MTHFD2L: variants seen among roughly 807,000 people sequenced by gnomAD.
MTHFD2L encodes the protein bifunctional methylenetetrahydrofolate dehydrogenase/cyclohydrolase 2, mitochondrial.
Under a neutral mutation model 34.9 loss-of-function variants are expected in MTHFD2L, and 29 were observed. The observed-to-expected ratio is 0.83, with a 90% CI of 0.62 to 1.13. The LOEUF is 1.13. Among genes scored for constraint, MTHFD2L ranks in the 50% most tolerant of loss-of-function variants. The pLI is 0.00. For synonymous variants in MTHFD2L, 167 were observed against 155.7 expected (o/e 1.07, Z -0.54); for missense variants, 481 against 446.5 (o/e 1.08, Z -0.70).
intron 6 of MTHFD2L, among the ~76,000 whole-genome samples, chr4:74,259,500 G>A (rs1744425060): frequency 6.6e-6 from 1 of 152,164 alleles, no homozygotes; most frequent in Non-Finnish European, 1.5e-5. Flanking sequence ...CACTGCACCT[G>A]CCCCTGAGGC....
upstream of MTHFD2L, among the ~76,000 whole-genome samples, chr4:74,123,694 T>G (rs2109780957): frequency 6.6e-6 from 1 of 152,196 alleles, no homozygotes; most frequent in African/African-American, 2.4e-5. Context: ...TTAGGTAAAA[T>G]TTAGGGGATT....
Position 74,302,868 on chromosome 4 carries a change from T to C in MTHFD2L, c.*1059T>C, listed in dbSNP as rs1490503627. 6.6e-6 allele frequency: 1 copy of C among 152,132 alleles called. No individual in the cohort carries two copies. The highest frequency in any genetic ancestry group is 1.5e-5 in the Non-Finnish European group (1 of 68,010). The allele number at this position is 152,132 out of a possible 1,614,324, so 9.4% of individuals were successfully genotyped here. ...AGTAGATGCAATGTTTCTAACACAA[T>C]TTAAATTAGGAAATATATATGAATG... is the stretch of plus-strand genomic sequence containing the variant. On this transcript the variant is annotated 3_prime_UTR_variant, in exon 8 of 8. Coordinates refer to ENST00000325278, the MANE Select transcript of MTHFD2L (RefSeq NM_001144978.3).
chr4:74,171,802 C>CA (rs947768811), intron 1 of MTHFD2L, among the ~76,000 whole-genome samples: 9 of 151,094 alleles, frequency 6.0e-5, no homozygotes, highest in African/African-American at 1.5e-4. Context: ...CTGTCCCCCA[C>CA]AAAAAAAATA....
intron 6 of MTHFD2L, among the ~76,000 whole-genome samples, chr4:74,254,256 G>A (rs1743696658): frequency 6.6e-6 from 1 of 152,072 alleles, no homozygotes; most frequent in Non-Finnish European, 1.5e-5. Flanking sequence ...ATCTGCAGAG[G>A]GAAATGGGCA....
chr4:74,281,628 C>A (rs1277022970), intron 7 of MTHFD2L, 78 bp downstream of exon 7: 22 of 1,390,130 alleles, frequency 1.6e-5, no homozygotes, highest in Non-Finnish European at 2.0e-5. Context: ...AGAGAAGTTT[C>A]ATTTATGGAG....
intron 3 of MTHFD2L, among the ~76,000 whole-genome samples, chr4:74,188,207 T>C (rs1304004991): frequency 6.6e-6 from 1 of 152,162 alleles, no homozygotes; most frequent in East Asian, 1.9e-4. Context: ...GCTTCATCTA[T>C]CATAAGAAAA....
chr4:74,258,995 A>G (rs969467996), intron 6 of MTHFD2L, among the ~76,000 whole-genome samples: 4 of 152,240 alleles, frequency 2.6e-5, no homozygotes. Flanking sequence ...AAATGCATAA[A>G]CATTTACTCA....
chr4:74,247,194 T>C (rs1360995973), intron 6 of MTHFD2L, among the ~76,000 whole-genome samples: 7 of 151,710 alleles, frequency 4.6e-5, no homozygotes, highest in East Asian at 1.9e-4. Context: ...GGGTCCTTCA[T>C]GTCCCTTGTA....
chr4:74,228,800 C>A (rs1311082664), intron 6 of MTHFD2L, among the ~76,000 whole-genome samples: 2 of 152,120 alleles, frequency 1.3e-5, no homozygotes, highest in Non-Finnish European at 2.9e-5. Context: ...ATAAAATAAA[C>A]AAGACAGGAG....
chr4:74,219,140 A>G (rs1578509734), intron 5 of MTHFD2L, among the ~76,000 whole-genome samples: 1 of 152,114 alleles, frequency 6.6e-6, no homozygotes, highest in East Asian at 1.9e-4. Flanking sequence ...TTTATATCAG[A>G]AACTCGAGCA....
intron 1 of MTHFD2L, among the ~76,000 whole-genome samples, chr4:74,148,389 TTATCTATCTATC>T (rs142284412): frequency 6.8e-5 from 8 of 118,022 alleles, no homozygotes; most frequent in African/African-American, 2.5e-4. Flanking sequence ...ATTTATTTAT[TTATCTATCTATC>T]TATTTAGACA....
In MTHFD2L at chr4:74,303,043, CTT is replaced by C. The variant is rs1465174594; in HGVS notation, c.*1235_*1236del. 1 of 152,106 alleles carries C rather than the reference CTT, an allele frequency of 6.6e-6. No individual in the cohort carries two copies. Among genetic ancestry groups the C allele is most frequent in the African/African-American group, 2.4e-5 (1 of 41,440 alleles). The allele number at this position is 152,106 out of a possible 1,614,324, so 9.4% of individuals were successfully genotyped here. On this transcript the variant is annotated 3_prime_UTR_variant, in exon 8 of 8. Transcript: ENST00000325278. ...TCGTGACGATTTGTGTGAAAATAGA[CTT>C]GATGTTTATAATTAATACCATTACA...
upstream of MTHFD2L, among the ~76,000 whole-genome samples, chr4:74,122,897 T>C (rs563366665): frequency 1.3e-5 from 2 of 152,330 alleles, no homozygotes; most frequent in Non-Finnish European, 2.9e-5. Context: ...TAAGAGAATT[T>C]TCTTGTTCTT....
At chr4:74,206,099 G>C (rs1735247970) in intron 5 of MTHFD2L, among the ~76,000 whole-genome samples, 1 of 150,550 alleles carries the variant, frequency 6.6e-6, no homozygotes, top group African/African-American at 2.5e-5. Flanking sequence ...AGCAAGGCCT[G>C]GTAGAAAGAC....
intron 5 of MTHFD2L, among the ~76,000 whole-genome samples, chr4:74,215,491 C>A (rs1279241237): frequency 5.3e-5 from 8 of 151,642 alleles, no homozygotes; most frequent in Non-Finnish European, 1.5e-5. Context: ...AGGTGATGCC[C>A]CACCCTGCTT....
At position 74,174,542 on chromosome 4, in the gene MTHFD2L, C is replaced by A. The variant is rs767129785; in HGVS notation, c.180C>A (p.Ala60=). 4 of 1,587,314 alleles carry A rather than the reference C, an allele frequency of 2.5e-6. No homozygotes were observed. The highest frequency in any genetic ancestry group is 2.3e-5 in the East Asian group (1 of 43,388). The change falls in exon 2 of 8, where the codon GCC becomes GCA. Residue 60 remains alanine (A), a synonymous_variant. Coordinates refer to ENST00000325278, the MANE Select transcript of MTHFD2L (RefSeq NM_001144978.3). ...EAIIISGTEM[A]KHIQKEIQRG... is the part of the protein sequence containing the mutation. ...TTATTATATCAGGAACCGAAATGGC[C>A]AAGCATATCCAGAAAGAAATACAGC... is the stretch of plus-strand genomic sequence containing the variant.
upstream of MTHFD2L, chr4:74,123,562 G>A (rs892964707): frequency 6.6e-6 from 1 of 152,106 alleles, no homozygotes; most frequent in Non-Finnish European, 1.5e-5. Flanking sequence ...ATGTTGTCAT[G>A]AGTACAAAAT....
intron 6 of MTHFD2L, among the ~76,000 whole-genome samples, chr4:74,237,815 C>T (rs904008257): frequency 6.6e-6 from 1 of 152,206 alleles, no homozygotes. Context: ...AGAGCTTGCA[C>T]CTGCAGAGTT....
intron 6 of MTHFD2L, among the ~76,000 whole-genome samples, chr4:74,234,306 T>C (rs538749666): frequency 2.0e-5 from 3 of 152,086 alleles, no homozygotes; most frequent in Non-Finnish European, 4.4e-5. Context: ...TTAACACTTA[T>C]GTTATCAATA....
Sources: allele counts gnomAD v4.1 joint callset (sites outside exome capture counted in the v4.1 genomes callset), GRCh38; gene constraint gnomAD v4.1.1; transcripts MANE v1.5; gene names NCBI Gene and HGNC (gene_info 2026-07-23, HGNC 2026-07-21).